The following TACR1 variants were observed in gnomAD, a reference collection of about 807,000 sequenced individuals.
TACR1 encodes tachykinin receptor 1.
Under a neutral mutation model 35.8 loss-of-function variants are expected in TACR1, and 25 were observed. The ratio of observed to expected loss-of-function variants is 0.70; its 90% CI spans 0.51 to 0.98. The LOEUF (loss-of-function observed/expected upper bound fraction) is 0.98, where lower values mean the gene tolerates loss of function less well. Among genes scored for constraint, TACR1 ranks in the 50% least tolerant of loss-of-function variants. The pLI is 0.00. For synonymous variants in TACR1, 195 were observed against 206.7 expected (o/e 0.94, Z 0.48); for missense variants, 478 against 522.9 (o/e 0.91, Z 0.84).
At chr2:75,077,373 G>C (rs2103826343) in intron 2 of TACR1, among the ~76,000 whole-genome samples, 1 of 152,316 alleles carries the variant, frequency 6.6e-6, no homozygotes, top group East Asian at 1.9e-4. Flanking sequence ...TGCACTGTTT[G>C]TACTATAACC....
At chr2:75,062,648 T>A (rs1271984935) in intron 2 of TACR1, among the ~76,000 whole-genome samples, 1 of 152,212 alleles carries the variant, frequency 6.6e-6, no homozygotes, top group Admixed American at 6.5e-5. Context: ...GTTGCTCCCA[T>A]TTTTATTTCC....
At chr2:75,182,403 C>T (rs887477395) in intron 1 of TACR1, among the ~76,000 whole-genome samples, 3 of 152,106 alleles carry the variant, frequency 2.0e-5, no homozygotes, top group Admixed American at 6.5e-5. Context: ...CCACAATACC[C>T]ACCCCTGACA....
intron 2 of TACR1, among the ~76,000 whole-genome samples, chr2:75,059,066 A>G (rs964644465): frequency 1.3e-5 from 2 of 152,188 alleles, no homozygotes; most frequent in African/African-American, 2.4e-5. Flanking sequence ...CTGGGTTTAC[A>G]TATTGGCTTT....
At chr2:75,082,255 C>A (rs10189837) in intron 2 of TACR1, among the ~76,000 whole-genome samples, 3,122 of 152,172 alleles carry the variant, frequency 0.021, 103 homozygotes, top group East Asian at 0.076. Context: ...TGAACTCATC[C>A]TTTTTTATGG....
intron 1 of TACR1, chr2:75,188,139 G>A (rs1022691416): frequency 1.4e-4 from 21 of 152,154 alleles, no homozygotes; most frequent in Admixed American, 1.1e-3. Context: ...TTCCCATCAC[G>A]AATTCTAAAG....
chr2:75,169,539 T>C (rs1675225832), intron 1 of TACR1, among the ~76,000 whole-genome samples: 1 of 152,228 alleles, frequency 6.6e-6, no homozygotes, highest in African/African-American at 2.4e-5. Context: ...AGAATAATTT[T>C]TGTTTCCTTT....
Position 75,126,683 on chromosome 2 carries a change from A to G in TACR1, c.390-5915T>C, listed in dbSNP as rs550682444. Among the ~76,000 whole-genome samples the G allele has an allele frequency of 2.6e-5, 4 of 152,368 alleles. No homozygotes were observed. In the South Asian group the frequency reaches 6.2e-4, roughly 24 times the overall value. Reference sequence around the variant, plus strand: ...TAAGAGCTTCTGCACAGCAAAAGAAACTATCAACAGAGCATACAGACAGCC... The same window carrying G: ...TAAGAGCTTCTGCACAGCAAAAGAAGCTATCAACAGAGCATACAGACAGCC... On this transcript the variant is annotated intron_variant, in intron 1 of 4. Coordinates refer to ENST00000305249, the MANE Select transcript of TACR1 (RefSeq NM_001058.4).
At chr2:75,148,834 C>G (rs1188425538) in intron 1 of TACR1, among the ~76,000 whole-genome samples, 1 of 152,098 alleles carries the variant, frequency 6.6e-6, no homozygotes, top group Non-Finnish European at 1.5e-5. Flanking sequence ...AGGTTTTCTT[C>G]TAGGGTTTTT....
intron 2 of TACR1, among the ~76,000 whole-genome samples, chr2:75,107,845 T>A (rs1261600638): frequency 6.6e-6 from 1 of 151,756 alleles, no homozygotes; most frequent in African/African-American, 2.4e-5. Flanking sequence ...AAAATAAAGA[T>A]AAAAGATACA....
chr2:75,164,306 G>A (rs1174512987), intron 1 of TACR1, among the ~76,000 whole-genome samples: 6 of 141,944 alleles, frequency 4.2e-5, no homozygotes, highest in African/African-American at 1.6e-4. Flanking sequence ...CAGCCTGGGT[G>A]ACAGAGCAAG....
At chr2:75,130,698 C>T (rs868039701) in intron 1 of TACR1, among the ~76,000 whole-genome samples, 5 of 152,204 alleles carry the variant, frequency 3.3e-5, no homozygotes, top group Non-Finnish European at 7.3e-5. Context: ...TACCTTTTAT[C>T]ACACCAAAGC....
intron 2 of TACR1, among the ~76,000 whole-genome samples, chr2:75,073,357 G>GAGT (rs1281649482): frequency 6.6e-6 from 1 of 152,234 alleles, no homozygotes; most frequent in Non-Finnish European, 1.5e-5. Flanking sequence ...GAGAAGAATG[G>GAGT]AGTAGTAGGT....
At chr2:75,183,923 T>A (rs1432934830) in intron 1 of TACR1, among the ~76,000 whole-genome samples, 3 of 152,204 alleles carry the variant, frequency 2.0e-5, no homozygotes, top group Non-Finnish European at 4.4e-5. Context: ...TTTATATTAT[T>A]TAGGAAACTG....
chr2:75,056,860 C>T (rs2103789139), intron 2 of TACR1, among the ~76,000 whole-genome samples: 1 of 152,186 alleles, frequency 6.6e-6, no homozygotes, highest in South Asian at 2.1e-4. Flanking sequence ...TTCCATGTTC[C>T]TATAGAGATA....
intron 1 of TACR1, among the ~76,000 whole-genome samples, chr2:75,136,686 C>T (rs1464100608): frequency 6.6e-6 from 1 of 152,098 alleles, no homozygotes. Flanking sequence ...TCATAACAGG[C>T]GCTTTAACTT....
At chr2:75,136,034 A>G (rs536897701) in intron 1 of TACR1, among the ~76,000 whole-genome samples, 67 of 152,330 alleles carry the variant, frequency 4.4e-4, no homozygotes, top group Admixed American at 1.6e-3. Flanking sequence ...AGCAGCACAG[A>G]TTGTGAATGT....
chr2:75,138,236 G>A (rs1030365015), intron 1 of TACR1, among the ~76,000 whole-genome samples: 19 of 152,154 alleles, frequency 1.2e-4, no homozygotes, highest in African/African-American at 4.6e-4. Context: ...GCAGGAAGAC[G>A]GGGGACTGGG....
rs762022042 is a variant in TACR1 at position 75,051,265 on chromosome 2, G to A, written c.918C>T (p.Cys306=). The stretch of plus-strand genomic sequence containing the variant: ...GGGATCCTCACCTGTCATTGAGGCA[G>A]CAGTAGATGATGGGGTTGTACATGG... ...SSTMYNPIIY[C]CLNDRFRLGF... is the part of the protein sequence containing the mutation. The change falls in exon 4 of 5, where the codon TGC becomes TGT. Residue 306 remains cysteine, a synonymous_variant. Transcript: ENST00000305249. 1 of 1,614,198 alleles carries A rather than the reference G, an allele frequency of 6.2e-7. No homozygotes were observed. The highest frequency in any genetic ancestry group is 8.5e-7 in the Non-Finnish European group (1 of 1,180,034).
chr2:75,195,984 G>T (rs1675960943), intron 1 of TACR1, among the ~76,000 whole-genome samples: 1 of 152,130 alleles, frequency 6.6e-6, no homozygotes. Context: ...AGGTTAGCAG[G>T]TGTTGCTTCT....
Sources: allele counts gnomAD v4.1 joint callset (sites outside exome capture counted in the v4.1 genomes callset), GRCh38; gene constraint gnomAD v4.1.1; transcripts MANE v1.5; gene names NCBI Gene and HGNC (gene_info 2026-07-23, HGNC 2026-07-21).